The following LRRTM4 variants were observed in gnomAD, a reference collection of about 807,000 sequenced individuals.
LRRTM4 encodes leucine-rich repeat transmembrane neuronal protein 4.
A neutral mutation model predicts 47.6 loss-of-function variants in LRRTM4; 25 were observed. The ratio of observed to expected loss-of-function variants is 0.53; its 90% CI spans 0.38 to 0.73. The LOEUF is 0.73. LRRTM4 is among the 30% of genes least tolerant of loss of function. LRRTM4 has a pLI of 0.00. For synonymous variants in LRRTM4, 311 were observed against 269.5 expected, an observed-to-expected ratio of 1.15 and a Z score of -1.51; for missense variants, 638 against 713.4, an observed-to-expected ratio of 0.89 and a Z score of 1.20.
At chr2:77,188,175 A>C (rs941436606) in intron 3 of LRRTM4, among the ~76,000 whole-genome samples, 11 of 152,302 alleles carry the variant, frequency 7.2e-5, no homozygotes, top group Middle Eastern at 3.4e-3. Context: ...ATCCTATCAA[A>C]GACCAATATT....
chr2:76,878,331 T>C (rs1336747825), intron 3 of LRRTM4, among the ~76,000 whole-genome samples: 1 of 152,084 alleles, frequency 6.6e-6, no homozygotes, highest in East Asian at 1.9e-4. Context: ...GAGGCAACCA[T>C]ATTGAAATTA....
chr2:76,807,993 TTCTG>T (rs1247143269), intron 3 of LRRTM4, among the ~76,000 whole-genome samples: 2 of 150,828 alleles, frequency 1.3e-5, no homozygotes, highest in Non-Finnish European at 2.9e-5. Context: ...TTTCTTTTCT[TTCTG>T]TCTCTTTTCT....
In LRRTM4 at chr2:77,184,511, G is replaced by T. The variant is rs1355987323; in HGVS notation, c.1551+333807C>A. ...GATTTTAAAAAATTCAAAAGAAGTG[G>T]AATTATTGTTCCTGCCCTGCTCTGC... On this transcript the variant is annotated intron_variant, in intron 3 of 3. Coordinates refer to ENST00000409884, the MANE Select transcript of LRRTM4 (RefSeq NM_001134745.3). Among the ~76,000 whole-genome samples the T allele has an allele frequency of 2.6e-5, 4 of 152,176 alleles. No individual in the cohort carries two copies. In the East Asian group the frequency reaches 7.7e-4, roughly 29 times the overall value.
chr2:76,840,515 T>C (rs1671640797), intron 3 of LRRTM4, among the ~76,000 whole-genome samples: 1 of 152,172 alleles, frequency 6.6e-6, no homozygotes. Context: ...AGGTTAATGT[T>C]TATGTGCAGT....
At chr2:77,177,345 G>A (rs4467298) in intron 3 of LRRTM4, among the ~76,000 whole-genome samples, 103,304 of 151,908 alleles carry the variant, frequency 0.68, 35,520 homozygotes, top group African/African-American at 0.8. Flanking sequence ...GACAGTAGCA[G>A]ATTATTTTTC....
intron 3 of LRRTM4, among the ~76,000 whole-genome samples, chr2:76,900,618 A>G (rs1421813524): frequency 1.3e-5 from 2 of 152,178 alleles, no homozygotes; most frequent in Non-Finnish European, 2.9e-5. Flanking sequence ...TTCAATTGAA[A>G]CATGAAATGC....
chr2:76,945,350 C>T lies in LRRTM4; in HGVS notation c.1552-196434G>A, dbSNP rs1305752064. On this transcript the variant is annotated intron_variant, in intron 3 of 3. Coordinates refer to ENST00000409884, the MANE Select transcript of LRRTM4 (RefSeq NM_001134745.3). ...CGGTCTCAGAGTAACAACTTTTTCA[C>T]TGTTGTGAAAATGCCACCACCATAA... Among the ~76,000 whole-genome samples, 4 of 152,124 alleles carry T rather than the reference C, an allele frequency of 2.6e-5. 1 individual carries two copies. The highest frequency in any genetic ancestry group is 4.1e-4 in the South Asian group (2 of 4,830).
intron 3 of LRRTM4, among the ~76,000 whole-genome samples, chr2:77,162,929 A>C (rs1427030939): frequency 6.6e-6 from 1 of 152,222 alleles, no homozygotes; most frequent in Non-Finnish European, 1.5e-5. Flanking sequence ...CCTCCAAAGG[A>C]ATGCAGCTCC....
In LRRTM4 at chr2:76,846,159, C is replaced by T. The variant is rs542634728; in HGVS notation, c.1552-97243G>A. Among the ~76,000 whole-genome samples the T allele has an allele frequency of 1.1e-3, 167 of 151,940 alleles. 1 individual carries two copies. The highest frequency in any genetic ancestry group is 3.9e-3 in the African/African-American group (160 of 41,450). On this transcript the variant is annotated intron_variant, in intron 3 of 3. Transcript: ENST00000409884. ...ATGGCTTGCTATTCCTATGGGATCC[C>T]GAATACCAAGGGATGACTGTAATTC...
intron 3 of LRRTM4, among the ~76,000 whole-genome samples, chr2:76,980,144 G>T (rs1002449759): frequency 1.3e-5 from 2 of 152,056 alleles, no homozygotes; most frequent in Admixed American, 1.3e-4. Context: ...CTTCTGTGCA[G>T]ATGGAGGATT....
intron 3 of LRRTM4, among the ~76,000 whole-genome samples, chr2:77,495,848 GTTA>G (rs1443270287): frequency 6.6e-6 from 1 of 151,952 alleles, no homozygotes; most frequent in African/African-American, 2.4e-5. Context: ...AATTGTTTTG[GTTA>G]TTATAGGTCT....
intron 3 of LRRTM4, among the ~76,000 whole-genome samples, chr2:77,000,409 G>A (rs1057497876): frequency 1.8e-4 from 27 of 152,146 alleles, no homozygotes; most frequent in African/African-American, 4.6e-4. Flanking sequence ...TTGGGAGAGT[G>A]TATGCAAACC....
At chr2:76,996,584 C>A (rs1677210944) in intron 3 of LRRTM4, among the ~76,000 whole-genome samples, 1 of 151,996 alleles carries the variant, frequency 6.6e-6, no homozygotes, top group Admixed American at 6.6e-5. Flanking sequence ...TATAAAGCTG[C>A]ACTAATTCTT....
rs545579621 is a variant in LRRTM4, at chr2:77,439,071, A to G, written c.1551+79247T>C. Among the ~76,000 whole-genome samples, 6 of 152,316 alleles carry G rather than the reference A, an allele frequency of 3.9e-5. No individual in the cohort carries two copies. The East Asian group carries it at 1.2e-3, about 29-fold the overall frequency. On this transcript the variant is annotated intron_variant, in intron 3 of 3. Coordinates refer to ENST00000409884, the MANE Select transcript of LRRTM4 (RefSeq NM_001134745.3). ...CTCTTATAGGCTTTCTTAGAAAGTA[A>G]GTAACTAGGACAGAGCAGTGTAAAG...
chr2:77,521,627 G>C, intron 2 of LRRTM4, 41 bp downstream of exon 2: 1 of 1,611,192 alleles, frequency 6.2e-7, no homozygotes, highest in East Asian at 2.2e-5. Flanking sequence ...AAGCCAAGAG[G>C]ATCAGCTTTG....
intron 3 of LRRTM4, among the ~76,000 whole-genome samples, chr2:77,060,233 AAT>A (rs1679742015): frequency 6.6e-6 from 1 of 152,202 alleles, no homozygotes; most frequent in African/African-American, 2.4e-5. Flanking sequence ...AAAGCCTGTA[AAT>A]ATATGCCTAT....
intron 3 of LRRTM4, among the ~76,000 whole-genome samples, chr2:76,909,587 C>T (rs943873511): frequency 2.0e-5 from 3 of 151,924 alleles, no homozygotes; most frequent in African/African-American, 4.8e-5. Flanking sequence ...ATTTTCGCAA[C>T]CTACTCATTT....
chr2:77,516,560 A>G, intron 3 of LRRTM4: 4 of 949,996 alleles, frequency 4.2e-6, no homozygotes, highest in Non-Finnish European at 5.0e-6. Flanking sequence ...GGATCACAAA[A>G]TATAAGGAGA....
chr2:77,011,628 G>T (rs1010588949), intron 3 of LRRTM4, among the ~76,000 whole-genome samples: 29 of 150,830 alleles, frequency 1.9e-4, no homozygotes, highest in African/African-American at 5.8e-4. Flanking sequence ...ACATACATAT[G>T]ATTTCTAGCA....
Sources: allele counts gnomAD v4.1 joint callset (sites outside exome capture counted in the v4.1 genomes callset), GRCh38; gene constraint gnomAD v4.1.1; transcripts MANE v1.5; gene names NCBI Gene and HGNC (gene_info 2026-07-23, HGNC 2026-07-21).